The following JAK1 variants were observed in gnomAD, a reference collection of about 807,000 sequenced individuals.
JAK1 encodes the protein Janus kinase 1, also known as tyrosine-protein kinase JAK1.
JAK1 carries 16 observed loss-of-function variants against 136.6 expected under a neutral mutation model. The ratio of observed to expected loss-of-function variants is 0.12; its 90% CI spans 0.08 to 0.18. JAK1 has a LOEUF of 0.18. Among genes scored for constraint, JAK1 ranks in the 10% least tolerant of loss-of-function variants. The probability of loss-of-function intolerance (pLI) is 1.00; values close to 1 mark genes in which losing one functional copy is unlikely to be tolerated. For synonymous variants in JAK1, 492 were observed against 519.5 expected (o/e 0.95, Z 0.72); for missense variants, 859 against 1,450.1 (o/e 0.59, Z 6.62).
At chr1:65,052,663 AC>A (rs1373503108) in intron 1 of JAK1, among the ~76,000 whole-genome samples, 1 of 151,856 alleles carries the variant, frequency 6.6e-6, no homozygotes, top group Non-Finnish European at 1.5e-5. Context: ...AATACAAAAA[AC>A]TTAGCCGGGT....
intron 2 of JAK1, 76 bp downstream of exon 2, chr1:64,886,183 G>A: frequency 1.1e-6 from 1 of 943,960 alleles, no homozygotes; most frequent in Non-Finnish European, 1.7e-6. Context: ...TAGCCCTACA[G>A]CCTCAAGAAC....
chr1:64,878,555 T>G (rs200806272), intron 4 of JAK1, among the ~76,000 whole-genome samples: 7 of 88,892 alleles, frequency 7.9e-5, no homozygotes, highest in Admixed American at 1.4e-4. Flanking sequence ...TTTATATATA[T>G]AGTGTGTATA....
rs1435123075 is a variant in JAK1, at chr1:64,833,669, C to T, written c.*893G>A. On this transcript the variant is annotated 3_prime_UTR_variant, in exon 25 of 25. Transcript: ENST00000342505. ...GTATGGAAACCCTCTAAGAACAGTG[C>T]AGCGTATGTGGTATTCAGACTGGTT... 1.7e-5 allele frequency: 4 copies of T among 232,874 alleles called. No individual in the cohort carries two copies. The highest frequency in any genetic ancestry group is 3.4e-5 in the Non-Finnish European group (4 of 117,868). The allele number at this position is 232,874 out of a possible 1,614,324, so 14.4% of individuals were successfully genotyped here. A position where few individuals can be genotyped will look rare whatever the true frequency, so the allele number is the denominator to read the frequency against.
At position 64,847,690 on chromosome 1, in the gene JAK1, A is replaced by C. The variant is rs1175487685; in HGVS notation, c.1756-15T>G. On this transcript the variant is annotated splice_polypyrimidine_tract_variant and intron_variant, in intron 12 of 24. Transcript: ENST00000342505. ...AGGTGCTCGCCCTGAGGGAAGAAGC[A>C]GAAGGCTGGGTGACCTCTCTGTGCC... 1 of 1,612,868 alleles carries C rather than the reference A, an allele frequency of 6.2e-7. No individual in the cohort carries two copies. Among genetic ancestry groups the C allele is most frequent in the East Asian group, 2.2e-5 (1 of 44,876 alleles).
intron 1 of JAK1, among the ~76,000 whole-genome samples, chr1:64,965,735 G>A (rs1278054169): frequency 6.6e-6 from 1 of 152,114 alleles, no homozygotes; most frequent in Non-Finnish European, 1.5e-5. Flanking sequence ...CTGGCTACCT[G>A]AGGCCTGGTT....
intron 2 of JAK1, among the ~76,000 whole-genome samples, chr1:64,885,268 T>G (rs978059818): frequency 6.6e-6 from 1 of 152,106 alleles, no homozygotes; most frequent in African/African-American, 2.4e-5. Flanking sequence ...CCATCCCACA[T>G]TGAAAAACTG....
At chr1:65,040,993 A>G (rs1380461307) in intron 2 of JAK1, among the ~76,000 whole-genome samples, 2 of 152,166 alleles carry the variant, frequency 1.3e-5, no homozygotes, top group Non-Finnish European at 2.9e-5. Context: ...TCCTGTTGCT[A>G]TCACAGATCC....
chr1:64,872,934 G>T (rs745469815), intron 5 of JAK1, among the ~76,000 whole-genome samples: 1 of 151,578 alleles, frequency 6.6e-6, no homozygotes, highest in East Asian at 1.9e-4. Flanking sequence ...TTTTTCTAGC[G>T]TCTAATCTTT....
chr1:64,874,835 C>T (rs1657296333), intron 4 of JAK1, among the ~76,000 whole-genome samples: 1 of 152,152 alleles, frequency 6.6e-6, no homozygotes, highest in Admixed American at 6.5e-5. Flanking sequence ...CTAAGACAAG[C>T]CAGGCCCTGA....
intron 1 of JAK1, among the ~76,000 whole-genome samples, chr1:65,047,306 T>G (rs1647193100): frequency 6.6e-6 from 1 of 152,212 alleles, no homozygotes; most frequent in African/African-American, 2.4e-5. Context: ...CATTATTTAA[T>G]CCCATGAACC....
intron 1 of JAK1, among the ~76,000 whole-genome samples, chr1:64,897,028 G>A (rs1645024011): frequency 6.6e-6 from 1 of 152,156 alleles, no homozygotes; most frequent in African/African-American, 2.4e-5. Context: ...CAGCAGGCAT[G>A]CAATACTACT....
chr1:64,890,062 G>T (rs1471160465), intron 1 of JAK1, among the ~76,000 whole-genome samples: 1 of 152,112 alleles, frequency 6.6e-6, no homozygotes, highest in African/African-American at 2.4e-5. Context: ...TATGAATTAA[G>T]GTATGAACTC....
At chr1:64,940,630 T>C (rs1645872658) in intron 1 of JAK1, among the ~76,000 whole-genome samples, 1 of 152,128 alleles carries the variant, frequency 6.6e-6, no homozygotes, top group South Asian at 2.1e-4. Context: ...TTTCAATTTC[T>C]TAAAAAATGA....
chr1:65,028,109 T>C (rs1646993206), intron 2 of JAK1, among the ~76,000 whole-genome samples: 1 of 152,162 alleles, frequency 6.6e-6, no homozygotes, highest in South Asian at 2.1e-4. Flanking sequence ...CTTAGGTTTC[T>C]TGTCTGAAAT....
At chr1:65,023,148 G>A (rs1303975555) in intron 2 of JAK1, 2 of 152,068 alleles carry the variant, frequency 1.3e-5, no homozygotes, top group Non-Finnish European at 2.9e-5. Flanking sequence ...TGTCACCCAA[G>A]CTGAAGTACA....
intron 2 of JAK1, among the ~76,000 whole-genome samples, chr1:65,034,531 C>T (rs557421061): frequency 6.6e-6 from 1 of 152,242 alleles, no homozygotes; most frequent in South Asian, 2.1e-4. Flanking sequence ...TAATGGCAAA[C>T]ATTAATCTAG....
intron 1 of JAK1, among the ~76,000 whole-genome samples, chr1:64,932,476 T>C (rs948815166): frequency 6.6e-6 from 1 of 152,070 alleles, no homozygotes; most frequent in African/African-American, 2.4e-5. Flanking sequence ...TAACCAAAGG[T>C]AATCTAGCTA....
chr1:65,047,788 A>T (rs1028781186), intron 1 of JAK1, among the ~76,000 whole-genome samples: 2 of 152,144 alleles, frequency 1.3e-5, no homozygotes, highest in African/African-American at 4.8e-5. Context: ...CGTTAAACAC[A>T]GTAAGTATAC....
At position 64,880,305 on chromosome 1, in the gene JAK1, T is replaced by TTA. The variant is rs761302577; in HGVS notation, c.206-1158_206-1157insTA. Among the ~76,000 whole-genome samples the TTA allele has an allele frequency of 1.2e-4, 18 of 152,356 alleles. 1 individual carries two copies. Among genetic ancestry groups the TTA allele is most frequent in the Admixed American group, 3.9e-4 (6 of 15,308 alleles). The stretch of plus-strand genomic sequence containing the variant: ...AAACCGAGAATATGGAGTTAAACTG[T>TTA]AAAGGGAAGTTTTCCTTGGGAACAT... On this transcript the variant is annotated intron_variant, in intron 3 of 24. Transcript: ENST00000342505.
Sources: allele counts gnomAD v4.1 joint callset (sites outside exome capture counted in the v4.1 genomes callset), GRCh38; gene constraint gnomAD v4.1.1; transcripts MANE v1.5; gene names NCBI Gene and HGNC (gene_info 2026-07-23, HGNC 2026-07-21).